The following PDE11A variants were observed in gnomAD, a reference collection of about 807,000 sequenced individuals.
PDE11A encodes the protein phosphodiesterase 11A.
In PDE11A, 100 loss-of-function variants were observed where a neutral mutation model predicts 100.5. The ratio of observed to expected loss-of-function variants is 1.00; its 90% CI spans 0.85 to 1.18. The LOEUF (loss-of-function observed/expected upper bound fraction) is 1.18, where lower values mean the gene tolerates loss of function less well. Among genes scored for constraint, PDE11A ranks in the 50% most tolerant of loss-of-function variants. PDE11A has a pLI of 0.00. For missense variants in PDE11A, 1,141 were observed against 1,152.6 expected, an observed-to-expected ratio of 0.99 and a Z score of 0.15; for synonymous variants, 381 against 420.8, an observed-to-expected ratio of 0.91 and a Z score of 1.16.
intron 2 of PDE11A, among the ~76,000 whole-genome samples, chr2:178,098,767 A>G (rs2087526147): frequency 6.6e-6 from 1 of 152,222 alleles, no homozygotes; most frequent in Non-Finnish European, 1.5e-5. Flanking sequence ...TGTATAATGT[A>G]AGCATTTCAA....
chr2:177,830,639 A>G (rs2083294206), intron 6 of PDE11A, among the ~76,000 whole-genome samples: 1 of 146,932 alleles, frequency 6.8e-6, no homozygotes, highest in Non-Finnish European at 1.5e-5. Flanking sequence ...AATAATAATA[A>G]TAATAATAAT....
intron 2 of PDE11A, among the ~76,000 whole-genome samples, chr2:177,956,391 A>G (rs2105786184): frequency 6.6e-6 from 1 of 152,338 alleles, no homozygotes; most frequent in African/African-American, 2.4e-5. Context: ...AATGGCAATC[A>G]TTAAAAAGTC....
At chr2:177,908,004 T>C (rs180893035) in intron 2 of PDE11A, among the ~76,000 whole-genome samples, 2 of 152,360 alleles carry the variant, frequency 1.3e-5, no homozygotes, top group East Asian at 3.9e-4. Flanking sequence ...CTAGCCTGCA[T>C]GTACTGTATA....
At chr2:177,836,876 G>A (rs2083410132) in intron 6 of PDE11A, among the ~76,000 whole-genome samples, 2 of 152,220 alleles carry the variant, frequency 1.3e-5, no homozygotes, top group South Asian at 4.2e-4. Flanking sequence ...GAACCCACCA[G>A]AAGGAAGAAA....
At chr2:177,894,559 C>T (rs779317892) in intron 4 of PDE11A, among the ~76,000 whole-genome samples, 3 of 152,058 alleles carry the variant, frequency 2.0e-5, no homozygotes, top group Non-Finnish European at 4.4e-5. Context: ...GAAGGAAAGT[C>T]GAATAGCCTC....
At chr2:177,982,219 G>A (rs1307256529) in intron 2 of PDE11A, among the ~76,000 whole-genome samples, 2 of 150,682 alleles carry the variant, frequency 1.3e-5, no homozygotes, top group East Asian at 1.9e-4. Context: ...TCTTGAGTGA[G>A]TAATATAAGC....
At chr2:177,994,567 A>G (rs1367279580) in intron 2 of PDE11A, among the ~76,000 whole-genome samples, 1 of 152,206 alleles carries the variant, frequency 6.6e-6, no homozygotes, top group Non-Finnish European at 1.5e-5. Context: ...TGTTTTATAT[A>G]CTGATCCTAG....
intron 9 of PDE11A, among the ~76,000 whole-genome samples, chr2:177,784,916 G>A (rs896184733): frequency 6.6e-6 from 1 of 152,172 alleles, no homozygotes; most frequent in South Asian, 2.1e-4. Flanking sequence ...AGGGGTCAGT[G>A]GTAGGATTTA....
chr2:178,031,833 C>T (rs2086551842), intron 1 of PDE11A, among the ~76,000 whole-genome samples: 1 of 151,934 alleles, frequency 6.6e-6, no homozygotes, highest in African/African-American at 2.4e-5. Context: ...ACAAAACTGA[C>T]ATGAAAGAAT....
intron 12 of PDE11A, among the ~76,000 whole-genome samples, chr2:177,712,470 T>G (rs1467299378): frequency 6.6e-6 from 1 of 152,014 alleles, no homozygotes; most frequent in Non-Finnish European, 1.5e-5. Context: ...ATGAAATTCA[T>G]ACAGATAATA....
chr2:178,036,319 A>G (rs1440787797), intron 1 of PDE11A, among the ~76,000 whole-genome samples: 3 of 152,182 alleles, frequency 2.0e-5, no homozygotes, highest in African/African-American at 7.2e-5. Context: ...ACTTAAAGGG[A>G]CGTGAAGGAC....
chr2:177,819,868 T>TTCTCTCTCTCTCTCTCTCTCTCTCTCTC (rs34374310), intron 7 of PDE11A, among the ~76,000 whole-genome samples: 2 of 139,184 alleles, frequency 1.4e-5, no homozygotes, highest in South Asian at 4.7e-4. Flanking sequence ...CTTTCTCTCT[T>TTCTCTCTCTCTCTCTCTCTCTCTCTCTC]TCTCTCTCTC....
intron 4 of PDE11A, among the ~76,000 whole-genome samples, chr2:177,883,501 T>C (rs1345428820): frequency 6.6e-6 from 1 of 152,104 alleles, no homozygotes; most frequent in Non-Finnish European, 1.5e-5. Context: ...TTCACAAATG[T>C]TTCACCACAA....
upstream of PDE11A, among the ~76,000 whole-genome samples, chr2:178,075,655 C>G (rs2087199065): frequency 6.6e-6 from 1 of 151,896 alleles, no homozygotes; most frequent in African/African-American, 2.4e-5. Flanking sequence ...ATTCTTTTCC[C>G]TCCCTTCTAT....
intron 2 of PDE11A, among the ~76,000 whole-genome samples, chr2:177,943,814 C>A (rs1425169585): frequency 6.6e-6 from 1 of 152,090 alleles, no homozygotes; most frequent in African/African-American, 2.4e-5. Flanking sequence ...TTCAGTGTAA[C>A]GAAACTTTCC....
At chr2:177,837,463 A>ACTTT (rs954170658) in intron 6 of PDE11A, among the ~76,000 whole-genome samples, 11 of 147,064 alleles carry the variant, frequency 7.5e-5, no homozygotes, top group African/African-American at 2.3e-4. Flanking sequence ...GAGAATGGGT[A>ACTTT]CTTTCTTTCT....
At chr2:177,980,044 G>T (rs1408753068) in intron 2 of PDE11A, among the ~76,000 whole-genome samples, 2 of 150,444 alleles carry the variant, frequency 1.3e-5, no homozygotes, top group Non-Finnish European at 3.0e-5. Context: ...TGACAGTGCT[G>T]ATAGCCCTCC....
At chr2:177,635,114 G>A (rs2080020156) in intron 19 of PDE11A, among the ~76,000 whole-genome samples, 1 of 152,154 alleles carries the variant, frequency 6.6e-6, no homozygotes, top group Non-Finnish European at 1.5e-5. Flanking sequence ...AACCTCCCAG[G>A]GGAGTCCATT....
chr2:177,830,010 C>T (rs1016283452), intron 6 of PDE11A, among the ~76,000 whole-genome samples: 1 of 152,092 alleles, frequency 6.6e-6, no homozygotes, highest in Non-Finnish European at 1.5e-5. Context: ...CTCCCATTGG[C>T]TTTGAAGAAG....
Sources: gnomAD v4.1 joint callset for allele counts (sites outside exome capture counted in the v4.1 genomes callset) on GRCh38, gnomAD v4.1.1 for gene constraint, MANE v1.5 for transcripts, NCBI Gene and HGNC (gene_info 2026-07-23, HGNC 2026-07-21) for gene names.